Variants in ANKS6 observed in about 807,000 individuals in gnomAD.
ANKS6 encodes the protein ankyrin repeat and SAM domain-containing protein 6.
Under a neutral mutation model 77.9 loss-of-function variants are expected in ANKS6, and 47 were observed. The ratio of observed to expected loss-of-function variants is 0.60; its 90% CI spans 0.48 to 0.77. The LOEUF is 0.77. ANKS6 is among the 30% of genes least tolerant of loss of function. ANKS6 has a pLI of 0.00. For synonymous variants in ANKS6, 488 were observed against 501.7 expected (o/e 0.97, Z 0.37); for missense variants, 1,150 against 1,159.1 (o/e 0.99, Z 0.11).
chr9:98,792,593 T>C (rs1834960273), intron 1 of ANKS6, among the ~76,000 whole-genome samples: 1 of 152,254 alleles, frequency 6.6e-6, no homozygotes, highest in African/African-American at 2.4e-5. Flanking sequence ...AGTACATTTC[T>C]AAAAGATTAC....
intron 12 of ANKS6, among the ~76,000 whole-genome samples, chr9:98,752,586 G>T (rs1415926882): frequency 6.6e-6 from 1 of 152,178 alleles, no homozygotes; most frequent in Non-Finnish European, 1.5e-5. Flanking sequence ...AGTGCTATCA[G>T]CCAGCCTGTA....
chr9:98,734,909 G>T lies in ANKS6; in HGVS notation c.*1610C>A. The T allele has an allele frequency of 1.0e-5, 10 of 985,446 alleles. No individual in the cohort carries two copies. Among genetic ancestry groups the T allele is most frequent in the South Asian group, 4.7e-5 (1 of 21,290 alleles). 61.0% of individuals were successfully genotyped at this position (985,446 alleles called of 1,614,324 possible). A position where few individuals can be genotyped will look rare whatever the true frequency, so the allele number is the denominator to read the frequency against. ...GAAAGTTGGCTTCTGTGAGTGTAAG[G>T]CTGAGAGAATTTAAAGGAAAAACAC... On this transcript the variant is annotated 3_prime_UTR_variant, in exon 15 of 15. Coordinates refer to ENST00000353234, the MANE Select transcript of ANKS6 (RefSeq NM_173551.5).
intron 6 of ANKS6, 126 bp from the exon 7 acceptor site, chr9:98,778,550 G>A: frequency 1.2e-6 from 1 of 822,714 alleles, no homozygotes; most frequent in South Asian, 1.7e-5. Context: ...CTGGGGCCCA[G>A]ACAGACATTA....
At chr9:98,747,907 T>G (rs1473370149) in intron 13 of ANKS6, among the ~76,000 whole-genome samples, 1 of 152,226 alleles carries the variant, frequency 6.6e-6, no homozygotes, top group Non-Finnish European at 1.5e-5. Flanking sequence ...CTCCTCCTGA[T>G]GGACTGGCCT....
chr9:98,793,103 CTCAA>C (rs1834991261), intron 1 of ANKS6, among the ~76,000 whole-genome samples: 1 of 152,210 alleles, frequency 6.6e-6, no homozygotes, highest in Non-Finnish European at 1.5e-5. Flanking sequence ...ATTTTCCCCT[CTCAA>C]AGCACTGGGC....
intron 2 of ANKS6, among the ~76,000 whole-genome samples, chr9:98,787,657 T>A (rs950787811): frequency 6.6e-6 from 1 of 152,208 alleles, no homozygotes; most frequent in African/African-American, 2.4e-5. Flanking sequence ...GGCACTGCGA[T>A]GAAAATTTTA....
chr9:98,793,701 A>G (rs886477295), intron 1 of ANKS6, among the ~76,000 whole-genome samples: 1 of 151,412 alleles, frequency 6.6e-6, no homozygotes, highest in African/African-American at 2.4e-5. Context: ...CGCCCAGCTA[A>G]TTTTTGTATT....
At chr9:98,788,350 C>T (rs537090543) in intron 2 of ANKS6, among the ~76,000 whole-genome samples, 17 of 152,268 alleles carry the variant, frequency 1.1e-4, no homozygotes, top group African/African-American at 4.1e-4. Flanking sequence ...AATTCCCTCC[C>T]CTGCAAAATG....
chr9:98,760,503 C>G (rs1832950539), intron 11 of ANKS6, among the ~76,000 whole-genome samples: 1 of 152,178 alleles, frequency 6.6e-6, no homozygotes, highest in South Asian at 2.1e-4. Context: ...CATTAGCACA[C>G]AAAATGACAT....
intron 2 of ANKS6, among the ~76,000 whole-genome samples, chr9:98,786,562 T>A (rs1380161509): frequency 6.6e-6 from 1 of 152,122 alleles, no homozygotes; most frequent in African/African-American, 2.4e-5. Flanking sequence ...AGTGCTGGGA[T>A]TACAGGCGTG....
At chr9:98,772,908 C>T (rs1833716022) in intron 9 of ANKS6, among the ~76,000 whole-genome samples, 2 of 152,196 alleles carry the variant, frequency 1.3e-5, no homozygotes, top group East Asian at 3.8e-4. Context: ...GTGTCTTTGC[C>T]ACCCAGACCA....
chr9:98,748,668 A>G lies in ANKS6; in HGVS notation c.2394+2361T>C, dbSNP rs1274586400. On this transcript the variant is annotated intron_variant, in intron 13 of 14. Transcript: ENST00000353234. Reference sequence around the variant, plus strand: ...ATTGGACTTTGAGGATACAAGCCACATACACTAGTGGGGGTGGAGCAGAGA... The same window carrying G: ...ATTGGACTTTGAGGATACAAGCCACGTACACTAGTGGGGGTGGAGCAGAGA... 2.6e-5 allele frequency among the ~76,000 whole-genome samples: 4 copies of G among 152,324 alleles called. No homozygotes were observed. The East Asian group carries it at 7.7e-4, about 29-fold the overall frequency.
intron 14 of ANKS6, among the ~76,000 whole-genome samples, chr9:98,742,037 A>C (rs1831862134): frequency 6.6e-6 from 1 of 152,188 alleles, no homozygotes; most frequent in East Asian, 1.9e-4. Flanking sequence ...TGCCCCATTA[A>C]ATGGATTCTA....
In ANKS6 at chr9:98,733,511, G is replaced by A. The variant is rs1022256227; in HGVS notation, c.*3008C>T. 3.0e-6 allele frequency: 3 copies of A among 985,496 alleles called. No homozygotes were observed. The highest frequency in any genetic ancestry group is 3.6e-6 in the Non-Finnish European group (3 of 829,954). The allele number at this position is 985,496 out of a possible 1,614,324, so 61.0% of individuals were successfully genotyped here. The stretch of plus-strand genomic sequence containing the variant: ...CCAAGCAGGCCACCTCTGCAGAGCT[G>A]CTGGGGAGAAAAAGGTGACCACCAA... On this transcript the variant is annotated 3_prime_UTR_variant, in exon 15 of 15. Coordinates refer to ENST00000353234, the MANE Select transcript of ANKS6 (RefSeq NM_173551.5).
chr9:98,774,489 G>A (rs986112204), intron 8 of ANKS6, among the ~76,000 whole-genome samples: 1 of 152,170 alleles, frequency 6.6e-6, no homozygotes, highest in Admixed American at 6.5e-5. Flanking sequence ...GGACCAGGAG[G>A]TGCATTCCAG....
chr9:98,745,791 G>C, intron 13 of ANKS6, 116 bp from the exon 14 acceptor site: 2 of 747,264 alleles, frequency 2.7e-6, no homozygotes, highest in South Asian at 3.3e-5. Flanking sequence ...AACTGATGAT[G>C]ATTTACTACT....
chr9:98,759,970 G>A (rs1467745458), intron 11 of ANKS6, among the ~76,000 whole-genome samples: 1 of 152,124 alleles, frequency 6.6e-6, no homozygotes, highest in Non-Finnish European at 1.5e-5. Flanking sequence ...AAAGCTAGAA[G>A]GAGGATATTG....
In ANKS6 at chr9:98,736,128, T is replaced by A; in HGVS notation, c.*391A>T. ...CAAGAGGACGTGAGCAGGAGTGATG[T>A]GTGTCAGTTAAGAGCAAGGCAGGTA... On this transcript the variant is annotated 3_prime_UTR_variant, in exon 15 of 15. Transcript: ENST00000353234. 8.7e-7 allele frequency: 1 copy of A among 1,150,418 alleles called. No homozygotes were observed. Among genetic ancestry groups the A allele is most frequent in the African/African-American group, 1.6e-5 (1 of 62,890 alleles). 71.3% of individuals were successfully genotyped at this position (1,150,418 alleles called of 1,614,324 possible). A position where few individuals can be genotyped will look rare whatever the true frequency, so the allele number is the denominator to read the frequency against.
At chr9:98,779,863 C>T (rs1352483972) in intron 6 of ANKS6, among the ~76,000 whole-genome samples, 10 of 152,180 alleles carry the variant, frequency 6.6e-5, no homozygotes, top group Non-Finnish European at 1.5e-4. Context: ...GGGGTTTCAC[C>T]GTGTTAGCCA....
Sources: allele counts gnomAD v4.1 joint callset (sites outside exome capture counted in the v4.1 genomes callset), GRCh38; gene constraint gnomAD v4.1.1; transcripts MANE v1.5; gene names NCBI Gene and HGNC (gene_info 2026-07-23, HGNC 2026-07-21).